Variants in AIMP1 observed in about 807,000 individuals in gnomAD.
The protein encoded by AIMP1 is aminoacyl tRNA synthase complex-interacting multifunctional protein 1.
Under a neutral mutation model 33.1 loss-of-function variants are expected in AIMP1, and 24 were observed. That is an observed-to-expected ratio of 0.73 (90% CI 0.53 to 1.02). The LOEUF (loss-of-function observed/expected upper bound fraction) is 1.02, where lower values mean the gene tolerates loss of function less well. Among genes scored for constraint, AIMP1 ranks in the 50% least tolerant of loss-of-function variants. The pLI is 0.00. For synonymous variants in AIMP1, 120 were observed against 121.5 expected (o/e 0.99, Z 0.08); for missense variants, 367 against 364.8 (o/e 1.01, Z -0.05).
In AIMP1 at chr4:106,349,386, C is replaced by A. The variant is rs1446228616; in HGVS notation, c.*1694C>A. Among the ~76,000 whole-genome samples, 1 of 151,724 alleles carries A rather than the reference C, an allele frequency of 6.6e-6. No individual in the cohort carries two copies. The highest frequency in any genetic ancestry group is 1.5e-5 in the Non-Finnish European group (1 of 67,952). On this transcript the variant is annotated 3_prime_UTR_variant, in exon 7 of 7. Transcript: ENST00000672341. The stretch of plus-strand genomic sequence containing the variant: ...TTATCTAATGTTTTGTTAGTGAAAC[C>A]TAAACTGATGATTAAATCGTTCATC...
rs552903431 is a variant in AIMP1, at chr4:106,337,166, A to G, written c.772+129A>G. ...CTTACATTAATGACCATTATTAACT[A>G]TTATTGAGTTTTTCAAGATTGGCTC... is the stretch of plus-strand genomic sequence containing the variant. On this transcript the variant is annotated intron_variant, in intron 6 of 6. Transcript: ENST00000672341. 654 of 875,542 alleles carry G rather than the reference A, an allele frequency of 7.5e-4. 14 individuals are homozygous for G. The South Asian group carries it at 9.1e-3, about 12-fold the overall frequency. 54.2% of individuals were successfully genotyped at this position (875,542 alleles called of 1,614,324 possible).
chr4:106,329,163 A>C (rs576754095), intron 4 of AIMP1, among the ~76,000 whole-genome samples: 1 of 152,044 alleles, frequency 6.6e-6, no homozygotes, highest in South Asian at 2.1e-4. Flanking sequence ...TCTGTTAGTT[A>C]AAAGTAGGTA....
chr4:106,334,055 C>T (rs1579639145), intron 5 of AIMP1, among the ~76,000 whole-genome samples: 1 of 152,048 alleles, frequency 6.6e-6, no homozygotes, highest in East Asian at 1.9e-4. Flanking sequence ...TTCCTCTGTC[C>T]CATGGTGCTT....
chr4:106,328,679 GTAGA>G (rs1427537805), intron 4 of AIMP1, among the ~76,000 whole-genome samples: 1 of 152,164 alleles, frequency 6.6e-6, no homozygotes, highest in East Asian at 1.9e-4. Flanking sequence ...GAGAACTAAA[GTAGA>G]TAGAAATGTC....
At chr4:106,324,189 C>G (rs1769374946) in intron 1 of AIMP1, among the ~76,000 whole-genome samples, 1 of 151,958 alleles carries the variant, frequency 6.6e-6, no homozygotes, top group African/African-American at 2.4e-5. Flanking sequence ...TTCAGCAATA[C>G]TTGTATCATT....
At chr4:106,324,257 A>G (rs1260457915) in intron 1 of AIMP1, among the ~76,000 whole-genome samples, 2 of 152,048 alleles carry the variant, frequency 1.3e-5, no homozygotes, top group Non-Finnish European at 2.9e-5. Flanking sequence ...AGTTCATAGT[A>G]TTACTAATGA....
intron 5 of AIMP1, among the ~76,000 whole-genome samples, chr4:106,332,809 C>A (rs17036671): frequency 0.013 from 2,012 of 151,990 alleles, 50 homozygotes; most frequent in African/African-American, 0.045. Flanking sequence ...AGTCATGAAA[C>A]TTCTAACTAC....
intron 6 of AIMP1, 58 bp downstream of exon 6, chr4:106,337,095 T>C: frequency 6.9e-7 from 1 of 1,457,284 alleles, no homozygotes; most frequent in South Asian, 1.1e-5. Flanking sequence ...AAGTGATGTT[T>C]GTAATGCTTA....
At chr4:106,319,272 A>G (rs1769104758) in intron 1 of AIMP1, among the ~76,000 whole-genome samples, 1 of 152,122 alleles carries the variant, frequency 6.6e-6, no homozygotes, top group Admixed American at 6.6e-5. Context: ...ATTGCAGGCA[A>G]TTTAGATGGT....
intron 1 of AIMP1, among the ~76,000 whole-genome samples, chr4:106,318,165 AT>A (rs1769055604): frequency 6.6e-6 from 1 of 152,176 alleles, no homozygotes; most frequent in Non-Finnish European, 1.5e-5. Context: ...TAAAAAAGCA[AT>A]TTTAGATATT....
At chr4:106,339,289 G>A (rs902038281) in intron 6 of AIMP1, among the ~76,000 whole-genome samples, 3 of 152,162 alleles carry the variant, frequency 2.0e-5, no homozygotes, top group African/African-American at 7.2e-5. Context: ...ATATGGTTTG[G>A]CTGTGTCCCC....
intron 6 of AIMP1, among the ~76,000 whole-genome samples, chr4:106,340,218 T>TTG (rs367638658): frequency 9.9e-5 from 15 of 151,492 alleles, no homozygotes; most frequent in African/African-American, 2.7e-4. Flanking sequence ...GACTGAGGAT[T>TTG]TGTGTGTGTG....
chr4:106,342,133 T>G (rs1453672411), intron 6 of AIMP1, among the ~76,000 whole-genome samples: 1 of 152,210 alleles, frequency 6.6e-6, no homozygotes, highest in Non-Finnish European at 1.5e-5. Context: ...TTTTGTGCAT[T>G]GATTTTGTAT....
chr4:106,318,377 A>C (rs906344300), intron 1 of AIMP1, among the ~76,000 whole-genome samples: 22 of 152,184 alleles, frequency 1.4e-4, no homozygotes, highest in Non-Finnish European at 3.1e-4. Context: ...ATTGCTTTAC[A>C]CTATAATAAG....
upstream of AIMP1, chr4:106,316,433 C>A: frequency 9.4e-7 from 1 of 1,060,364 alleles, no homozygotes; most frequent in Non-Finnish European, 1.4e-6. Context: ...TGGGACTGAG[C>A]ACAGGAAGAG....
chr4:106,317,537 T>C (rs1769001336), intron 1 of AIMP1, among the ~76,000 whole-genome samples: 1 of 152,168 alleles, frequency 6.6e-6, no homozygotes, highest in Admixed American at 6.5e-5. Context: ...AGTTTTGCAA[T>C]AATCCAGAGG....
At chr4:106,326,495 T>C (rs967560940) in intron 2 of AIMP1, among the ~76,000 whole-genome samples, 14 of 152,182 alleles carry the variant, frequency 9.2e-5, no homozygotes, top group Admixed American at 7.9e-4. Context: ...CTGAGAACCA[T>C]TATTTTTCTC....
rs766403290 is a variant in AIMP1, at chr4:106,347,590, C to T, written c.837C>T (p.His279=). ...KIWEQIQPDL[H]TNDECVATYK... is the part of the protein sequence containing the mutation. ...GGGAGCAGATCCAGCCTGATCTTCA[C>T]ACTAATGATGAGTGTGTGGCTACAT... Residue 279 remains histidine (H), a synonymous_variant, in exon 7 of 7, where the codon CAC becomes CAT. Transcript: ENST00000672341. The T allele has an allele frequency of 5.0e-6, 8 of 1,613,390 alleles. No individual in the cohort carries two copies. Among genetic ancestry groups the T allele is most frequent in the South Asian group, 1.1e-5 (1 of 91,072 alleles).
chr4:106,321,945 AT>A (rs1181567596), intron 1 of AIMP1, among the ~76,000 whole-genome samples: 84 of 131,584 alleles, frequency 6.4e-4, no homozygotes, highest in Admixed American at 1.1e-3. Context: ...TAAGGGTTAA[AT>A]GGCCCCTGCT....
Sources: allele counts gnomAD v4.1 joint callset (sites outside exome capture counted in the v4.1 genomes callset), GRCh38; gene constraint gnomAD v4.1.1; transcripts MANE v1.5; gene names NCBI Gene and HGNC (gene_info 2026-07-23, HGNC 2026-07-21).